The following SHMT2 variants were observed in gnomAD, a reference collection of about 807,000 sequenced individuals.
SHMT2 encodes serine hydroxymethyltransferase, mitochondrial.
A neutral mutation model predicts 59.6 loss-of-function variants in SHMT2; 38 were observed. The observed-to-expected ratio is 0.64, with a 90% CI of 0.49 to 0.84. The LOEUF (loss-of-function observed/expected upper bound fraction) is 0.84. SHMT2 is among the 40% of genes least tolerant of loss of function. SHMT2 has a pLI of 0.00. For synonymous variants in SHMT2, 254 were observed against 258.1 expected (o/e 0.98, Z 0.15); for missense variants, 533 against 659.5 (o/e 0.81, Z 2.10).
chr12:57,231,977 A>G, intron 4 of SHMT2, 64 bp downstream of exon 4: 1 of 1,495,062 alleles, frequency 6.7e-7, no homozygotes, highest in South Asian at 1.2e-5. Flanking sequence ...GGAGTTATTT[A>G]TTGAATACCT....
At position 57,231,721 on chromosome 12, in the gene SHMT2, G is replaced by C. The variant is rs1321047725; in HGVS notation, c.320G>C (p.Gly107Ala). 4.3e-6 allele frequency: 7 copies of C among 1,614,048 alleles called. No individual in the cohort carries two copies. Among genetic ancestry groups the C allele is most frequent in the Non-Finnish European group, 5.9e-6 (7 of 1,180,020 alleles). ...SEGYPGKRYY[G>A]GAEVVDEIEL... ...CCCCTCTCCCACGGCAGATACTATG[G>C]GGGAGCAGAGGTGGTGGATGAAATT... The change falls in exon 4 of 12, where the codon GGG (glycine) becomes GCG (alanine). Residue 107 changes from glycine to alanine, a missense_variant. Transcript: ENST00000328923.
rs2037247355 is a variant in SHMT2 at position 57,230,034 on chromosome 12, G to T, written c.33+223G>T. 4.9e-6 allele frequency: 7 copies of T among 1,419,314 alleles called. No homozygotes were observed. The Admixed American group carries it at 8.8e-5, about 18-fold the overall frequency. 87.9% of individuals were successfully genotyped at this position (1,419,314 alleles called of 1,614,324 possible). A position where few individuals can be genotyped will look rare whatever the true frequency, so the allele number is the denominator to read the frequency against. On this transcript the variant is annotated intron_variant, in intron 1 of 11. Transcript: ENST00000328923. The stretch of plus-strand genomic sequence containing the variant: ...TGGCGATCAGACGCCCCAGGGCCTC[G>T]TGACCGCCCATTTCACGTGGCATTA...
At chr12:57,233,690 C>T in intron 9 of SHMT2, 28 bp downstream of exon 9, 2 of 1,612,922 alleles carry the variant, frequency 1.2e-6, no homozygotes, top group Non-Finnish European at 1.7e-6. Flanking sequence ...GGGTGAGGGC[C>T]TCTGTAGCTT....
In SHMT2 at chr12:57,230,976, T is replaced by C; in HGVS notation, c.207T>C (p.Arg69=). ...LLQREKDRQC[R]GLELIASENF... ...AGAGGGAGAAGGACAGGCAGTGTCG[T>C]GGCCTGGAGCTCATTGCCTCAGAGG... Residue 69 remains arginine (R), a synonymous_variant, in exon 2 of 12, where the codon CGT becomes CGC. Coordinates refer to ENST00000328923, the MANE Select transcript of SHMT2 (RefSeq NM_005412.6). 1 of 1,613,608 alleles carries C rather than the reference T, an allele frequency of 6.2e-7. No homozygotes were observed. The highest frequency in any genetic ancestry group is 8.5e-7 in the Non-Finnish European group (1 of 1,180,006).
At position 57,232,903 on chromosome 12, in the gene SHMT2, C is replaced by T. The variant is rs1415119076; in HGVS notation, c.857+60C>T. On this transcript the variant is annotated intron_variant, in intron 7 of 11. Transcript: ENST00000328923. The stretch of plus-strand genomic sequence containing the variant: ...TGCCTTCAGGCCTATTCCTGGGGCA[C>T]TGTTGGCCTGGACCTGAGAGGAATT... 2.5e-6 allele frequency: 4 copies of T among 1,571,528 alleles called. No homozygotes were observed. The Admixed American group carries it at 6.8e-5, about 27-fold the overall frequency.
chr12:57,233,083 C>G (rs2136791928), intron 7 of SHMT2, 97 bp from the exon 8 acceptor site: 1 of 1,401,978 alleles, frequency 7.1e-7, no homozygotes, highest in Non-Finnish European at 9.6e-7. Context: ...CCCACGTGAG[C>G]TGTGCCCTTG....
chr12:57,232,941 C>G (rs2037388481), intron 7 of SHMT2, 98 bp downstream of exon 7: 2 of 1,496,354 alleles, frequency 1.3e-6, no homozygotes, highest in Admixed American at 3.7e-5. Flanking sequence ...TTCCCACCTG[C>G]AGCCCTTAAG....
At chr12:57,231,200 T>A in intron 2 of SHMT2, 200 bp downstream of exon 2, 2 of 632,326 alleles carry the variant, frequency 3.2e-6, no homozygotes, top group Non-Finnish European at 5.5e-6. Context: ...GCCTCCAGGG[T>A]CCCTACAGTT....
chr12:57,233,554 C>T lies in SHMT2; in HGVS notation c.1024-9C>T, dbSNP rs765489180. 10 of 1,610,612 alleles carry T rather than the reference C, an allele frequency of 6.2e-6. No homozygotes were observed. In the Admixed American group the frequency reaches 1.2e-4, roughly 19 times the overall value. On this transcript the variant is annotated splice_polypyrimidine_tract_variant and intron_variant, in intron 8 of 11. Transcript: ENST00000328923. ...CCTAGGGTGACAGCTGCTACTGTCT[C>T]ATCTCCAGGCCTGCACCCCCATGTT...
intron 11 of SHMT2, 40 bp downstream of exon 11, chr12:57,234,150 A>T (rs1448750834): frequency 6.2e-7 from 1 of 1,613,104 alleles, no homozygotes; most frequent in African/African-American, 1.3e-5. Context: ...GCCAGTTCCC[A>T]CTCACTGTCT....
rs776714750 is a variant in SHMT2, at chr12:57,234,594, CCT to C, written c.*234_*235del. 9 of 396,900 alleles carry C rather than the reference CCT, an allele frequency of 2.3e-5. No individual in the cohort carries two copies. Among genetic ancestry groups the C allele is most frequent in the South Asian group, 6.3e-5 (1 of 15,930 alleles). The allele number at this position is 396,900 out of a possible 1,614,324, so 24.6% of individuals were successfully genotyped here. Reference sequence around the variant, plus strand: ...GGCCCAGGCACTTTCTGTTTGAACCCCTGTCATGATCACAGTGTCAGAGACGC... The same window carrying C: ...GGCCCAGGCACTTTCTGTTTGAACCCGTCATGATCACAGTGTCAGAGACGC... On this transcript the variant is annotated 3_prime_UTR_variant, in exon 12 of 12. Coordinates refer to ENST00000328923, the MANE Select transcript of SHMT2 (RefSeq NM_005412.6).
At position 57,234,013 on chromosome 12, in the gene SHMT2, C is replaced by A. The variant is rs1201702745; in HGVS notation, c.1290C>A (p.Ala430=). The A allele has an allele frequency of 5.6e-6, 9 of 1,614,114 alleles. No individual in the cohort carries two copies. Among genetic ancestry groups the A allele is most frequent in the Non-Finnish European group, 7.6e-6 (9 of 1,180,060 alleles). The change falls in exon 11 of 12, where the codon GCC becomes GCA. Residue 430 remains alanine (A), a synonymous_variant. Coordinates refer to ENST00000328923, the MANE Select transcript of SHMT2 (RefSeq NM_005412.6). ...TPGGLRLGAP[A]LTSRQFREDD... The stretch of plus-strand genomic sequence containing the variant: ...TGTGCCTCGTTCCAGGGGCCCCAGC[C>A]TTAACTTCTCGACAGTTCCGTGAGG...
At position 57,234,564 on chromosome 12, in the gene SHMT2, A is replaced by G. The variant is rs2037475353; in HGVS notation, c.*203A>G. 4.1e-6 allele frequency: 2 copies of G among 484,356 alleles called. No homozygotes were observed. The highest frequency in any genetic ancestry group is 3.9e-5 in the African/African-American group (2 of 50,646). 30.0% of individuals were successfully genotyped at this position (484,356 alleles called of 1,614,324 possible). A position where few individuals can be genotyped will look rare whatever the true frequency, so the allele number is the denominator to read the frequency against. On this transcript the variant is annotated 3_prime_UTR_variant, in exon 12 of 12. Coordinates refer to ENST00000328923, the MANE Select transcript of SHMT2 (RefSeq NM_005412.6). Reference sequence around the variant, plus strand: ...CCTTTTTTTGGTAACAAGACTTAGAAGGAGGGCCCAGGCACTTTCTGTTTG... The same window carrying G: ...CCTTTTTTTGGTAACAAGACTTAGAGGGAGGGCCCAGGCACTTTCTGTTTG...
Position 57,232,561 on chromosome 12 carries a change from G to T in SHMT2, c.703G>T (p.Ala235Ser), listed in dbSNP as rs775639509. The T allele has an allele frequency of 6.2e-7, 1 of 1,614,032 alleles. No homozygotes were observed. Among genetic ancestry groups the T allele is most frequent in the Admixed American group, 1.7e-5 (1 of 60,006 alleles). Residue 235 changes from alanine (A) to serine (S), a missense_variant, in exon 6 of 12, where the codon GCC (alanine) becomes TCC (serine). By Grantham distance (99) the Ala-to-Ser change is moderately conservative. Coordinates refer to ENST00000328923, the MANE Select transcript of SHMT2 (RefSeq NM_005412.6). ...TSAYARLIDYARMREVCDEVK... is the reference protein window; with the variant it reads ...TSAYARLIDYSRMREVCDEVK... ...CGCCTATGCTCGCCTCATTGACTAC[G>T]CCCGCATGAGAGAGGTTGGTGGGGG...
rs11557166 is a variant in SHMT2 at position 57,232,235 on chromosome 12, C to G, written c.537C>G (p.Asp179Glu). The change falls in exon 5 of 12, where the codon GAC becomes GAG. Residue 179 changes from aspartate to glutamate, a missense_variant. Asp to Glu is a conservative substitution (Grantham distance 45). Coordinates refer to ENST00000328923, the MANE Select transcript of SHMT2 (RefSeq NM_005412.6). The stretch of plus-strand genomic sequence containing the variant: ...GTCTCACCCACGGCTACATGTCTGA[C>G]GTCAAGCGGATATCAGCCACGTCCA... The part of the protein sequence containing the change: ...GGHLTHGYMS[D>E]VKRISATSIF... The G allele has an allele frequency of 1.9e-6, 3 of 1,614,032 alleles. No homozygotes were observed. Among genetic ancestry groups the G allele is most frequent in the Non-Finnish European group, 2.5e-6 (3 of 1,180,002 alleles).
Position 57,232,367 on chromosome 12 carries a change from A to G in SHMT2, c.594+75A>G, listed in dbSNP as rs1011353467. On this transcript the variant is annotated intron_variant, in intron 5 of 11. Coordinates refer to ENST00000328923, the MANE Select transcript of SHMT2 (RefSeq NM_005412.6). ...TCCCCTGGAGAAGCTGAGGGCCTGG[A>G]GCGCCGGGCCGTCCTTAGGGTTAAG... 77 of 1,613,054 alleles carry G rather than the reference A, an allele frequency of 4.8e-5. No homozygotes were observed. The South Asian group carries it at 8.1e-4, about 17-fold the overall frequency.
chr12:57,231,125 C>T, intron 2 of SHMT2, 125 bp downstream of exon 2: 1 of 936,884 alleles, frequency 1.1e-6, no homozygotes, highest in South Asian at 1.6e-5. Flanking sequence ...GCTTTATCTT[C>T]CTTTCTTATC....
rs758447168 is a variant in SHMT2 at position 57,234,198 on chromosome 12, G to A, written c.1388-36G>A. The A allele has an allele frequency of 1.9e-6, 3 of 1,612,626 alleles. No homozygotes were observed. In the South Asian group the frequency reaches 3.3e-5, roughly 18 times the overall value. On this transcript the variant is annotated intron_variant, in intron 11 of 11. Transcript: ENST00000328923. ...AGCTGATCTCACTGCCTTCCCTAGA[G>A]CTCTGACCACTTGTTTCCTCACCCT...
intron 4 of SHMT2, 37 bp from the exon 5 acceptor site, chr12:57,232,174 T>G (rs760451781): frequency 3.8e-6 from 6 of 1,593,828 alleles, no homozygotes; most frequent in African/African-American, 1.3e-5. Context: ...CCGGGGGTCC[T>G]TCCACCCAGG....
Sources: gnomAD v4.1 joint callset for allele counts on GRCh38, gnomAD v4.1.1 for gene constraint, MANE v1.5 for transcripts, NCBI Gene and HGNC (gene_info 2026-07-23, HGNC 2026-07-21) for gene names.